Variants in FAT4 observed in about 807,000 individuals in gnomAD.
The protein encoded by FAT4 is FAT atypical cadherin 4.
A neutral mutation model predicts 303.9 loss-of-function variants in FAT4; 84 were observed. The ratio of observed to expected loss-of-function variants is 0.28; its 90% CI spans 0.23 to 0.33. The LOEUF (loss-of-function observed/expected upper bound fraction) is 0.33, where lower values mean the gene tolerates loss of function less well. Among genes scored for constraint, FAT4 ranks in the 10% least tolerant of loss-of-function variants. The pLI is 1.00. For missense variants in FAT4, 6,005 were observed against 6,146.8 expected (o/e 0.98, Z 0.77); for synonymous variants, 2,307 against 2,298.8 (o/e 1.00, Z -0.10).
intron 7 of FAT4, among the ~76,000 whole-genome samples, chr4:125,427,212 A>G (rs1336927179): frequency 6.6e-6 from 1 of 151,694 alleles, no homozygotes; most frequent in East Asian, 1.9e-4. Context: ...TTATGATAAG[A>G]TGTACTTATC....
chr4:125,351,483 A>T (rs926316451), intron 2 of FAT4, among the ~76,000 whole-genome samples: 1 of 151,746 alleles, frequency 6.6e-6, no homozygotes, highest in African/African-American at 2.4e-5. Flanking sequence ...CTCTTAAGAA[A>T]TTATTTTTTT....
At chr4:125,454,104 A>C (rs17009692) in intron 10 of FAT4, among the ~76,000 whole-genome samples, 15,689 of 152,232 alleles carry the variant, frequency 0.1, 1,053 homozygotes, top group African/African-American at 0.2. Context: ...AGTATTTATA[A>C]ACATAATTTA....
chr4:125,362,283 T>A (rs1732705990), intron 2 of FAT4, among the ~76,000 whole-genome samples: 1 of 152,156 alleles, frequency 6.6e-6, no homozygotes, highest in Non-Finnish European at 1.5e-5. Context: ...ATATTTCTTT[T>A]CAAGAGGGCA....
chr4:125,430,444 C>A (rs944862979), intron 7 of FAT4, among the ~76,000 whole-genome samples: 2 of 152,030 alleles, frequency 1.3e-5, no homozygotes, highest in East Asian at 1.9e-4. Flanking sequence ...TTGGTAAGCC[C>A]CATTCACAGG....
chr4:125,359,791 T>C (rs963448471), intron 2 of FAT4, among the ~76,000 whole-genome samples: 10 of 152,086 alleles, frequency 6.6e-5, no homozygotes, highest in Non-Finnish European at 4.4e-5. Flanking sequence ...TGCCCTTACG[T>C]TTTTGCCTGT....
rs1017780169 is a variant in FAT4 at position 125,492,522 on chromosome 4, A to G, written c.*754A>G. 8 of 152,200 alleles carry G rather than the reference A, an allele frequency of 5.3e-5. No individual in the cohort carries two copies. Among genetic ancestry groups the G allele is most frequent in the African/African-American group, 1.7e-4 (7 of 41,440 alleles). 9.4% of individuals were successfully genotyped at this position (152,200 alleles called of 1,614,324 possible). ...ATGTTCTCAGCAGCACTTCTAAGAAACACTCTTAAAAGTTATTTATTGAAA... is the reference window on the plus strand; with the variant it reads ...ATGTTCTCAGCAGCACTTCTAAGAAGCACTCTTAAAAGTTATTTATTGAAA... On this transcript the variant is annotated 3_prime_UTR_variant, in exon 18 of 18. Transcript: ENST00000394329.
At chr4:125,379,405 G>A (rs777120863) in intron 2 of FAT4, among the ~76,000 whole-genome samples, 3 of 151,930 alleles carry the variant, frequency 2.0e-5, no homozygotes, top group Non-Finnish European at 4.4e-5. Context: ...GCCTTGGAGA[G>A]TTTATAAAAA....
chr4:125,406,831 C>A (rs747277777), intron 3 of FAT4, 49 bp from the exon 4 acceptor site: 2 of 1,578,724 alleles, frequency 1.3e-6, no homozygotes. Context: ...ATATAAGGAG[C>A]AATGCTTTTC....
intron 7 of FAT4, among the ~76,000 whole-genome samples, chr4:125,430,967 G>A (rs935655643): frequency 1.3e-5 from 2 of 152,158 alleles, no homozygotes; most frequent in South Asian, 2.1e-4. Flanking sequence ...TGAACTTGCT[G>A]TAAGCTTTCC....
intron 10 of FAT4, among the ~76,000 whole-genome samples, chr4:125,458,622 G>T (rs577260118): frequency 1.3e-5 from 2 of 151,976 alleles, no homozygotes; most frequent in South Asian, 4.1e-4. Flanking sequence ...ACTTATAAAA[G>T]CATTAATAAC....
At position 125,316,234 on chromosome 4, in the gene FAT4, T is replaced by G. The variant is rs1390498022; in HGVS notation, c.-12-166T>G. Reference sequence around the variant, plus strand: ...TGCACTCCGCGTTCAACTGGCTACCTAGAGTCTTTTGCTGATGCTACTTGC... The same window carrying G: ...TGCACTCCGCGTTCAACTGGCTACCGAGAGTCTTTTGCTGATGCTACTTGC... On this transcript the variant is annotated intron_variant, in intron 1 of 17. Transcript: ENST00000394329. This position sits in a 1 kb window ranked among gnomAD's most constrained non-coding sequence, Gnocchi z 5.7. Among the ~76,000 whole-genome samples the G allele has an allele frequency of 6.6e-6, 1 of 152,182 alleles. No individual in the cohort carries two copies. The highest frequency in any genetic ancestry group is 2.4e-5 in the African/African-American group (1 of 41,452).
intron 2 of FAT4, among the ~76,000 whole-genome samples, chr4:125,336,573 T>A (rs1731585699): frequency 6.6e-6 from 1 of 152,058 alleles, no homozygotes; most frequent in Non-Finnish European, 1.5e-5. Flanking sequence ...TTCATTTTAA[T>A]ATTATATTTG....
chr4:125,401,668 T>C (rs1014439256), intron 3 of FAT4, among the ~76,000 whole-genome samples: 1 of 151,972 alleles, frequency 6.6e-6, no homozygotes, highest in African/African-American at 2.4e-5. Context: ...AATTTAGATA[T>C]CATTTGAAAT....
rs1220693591 is a variant in FAT4 at position 125,452,309 on chromosome 4, G to A, written c.11299G>A (p.Ala3767Thr). 6.2e-7 allele frequency: 1 copy of A among 1,614,108 alleles called. No homozygotes were observed. Residue 3767 changes from alanine (A) to threonine (T), a missense_variant, in exon 10 of 18, where the codon GCT becomes ACT. By Grantham distance (58) the Ala-to-Thr change is moderately conservative. Transcript: ENST00000394329. ...GAACAATAGAACGTTTCTTTTGGCA[G>A]CTGTGAAGCGAAATCATAATCAGTA... ...EENNRTFLLA[A>T]VKRNHNQYVN...
chr4:125,468,423 C>T, intron 11 of FAT4, 89 bp from the exon 12 acceptor site: 2 of 958,800 alleles, frequency 2.1e-6, no homozygotes, highest in Non-Finnish European at 2.8e-6. Flanking sequence ...AAAGATATCT[C>T]ATTTTATAAT....
At position 125,415,218 on chromosome 4, in the gene FAT4, TGAG is replaced by T; in HGVS notation, c.6256_6258del (p.Glu2086del). On this transcript the variant is annotated inframe_deletion, in exon 6 of 18. Coordinates refer to ENST00000394329, the MANE Select transcript of FAT4 (RefSeq NM_001291303.3). ...CAGATAGTGGCCCAAACAGCTATATTGAGTACACTCTGCTGAACCCTTTGGGAA... is the reference window on the plus strand; with the variant it reads ...CAGATAGTGGCCCAAACAGCTATATTTACACTCTGCTGAACCCTTTGGGAA... 1 of 1,614,104 alleles carries T rather than the reference TGAG, an allele frequency of 6.2e-7. No homozygotes were observed. The highest frequency in any genetic ancestry group is 2.2e-5 in the East Asian group (1 of 44,874).
intron 3 of FAT4, among the ~76,000 whole-genome samples, chr4:125,404,171 C>T (rs1734497266): frequency 1.3e-5 from 2 of 152,116 alleles, no homozygotes; most frequent in Non-Finnish European, 2.9e-5. Flanking sequence ...AAATCACCCC[C>T]ATTTTCATTT....
intron 11 of FAT4, among the ~76,000 whole-genome samples, chr4:125,468,198 T>C (rs1046397726): frequency 1.3e-5 from 2 of 152,148 alleles, no homozygotes; most frequent in East Asian, 3.9e-4. Context: ...GAAACGTTTC[T>C]GGGAAAGAAA....
intron 2 of FAT4, among the ~76,000 whole-genome samples, chr4:125,353,962 G>A (rs1371604393): frequency 3.3e-5 from 5 of 151,508 alleles, no homozygotes; most frequent in Non-Finnish European, 5.9e-5. Flanking sequence ...TGTTTTAATC[G>A]CATGAGTAGA....
Sources: gnomAD v4.1 joint callset for allele counts (sites outside exome capture counted in the v4.1 genomes callset) on GRCh38, gnomAD v4.1.1 for gene constraint, Gnocchi (gnomAD v3.1) non-coding constraint, MANE v1.5 for transcripts, NCBI Gene and HGNC (gene_info 2026-07-23, HGNC 2026-07-21) for gene names.